PIBF1: variants seen among roughly 807,000 people sequenced by gnomAD.
PIBF1 encodes progesterone immunomodulatory binding factor 1.
A neutral mutation model predicts 112.5 loss-of-function variants in PIBF1; 90 were observed. The ratio of observed to expected loss-of-function variants is 0.80; its 90% CI spans 0.67 to 0.95. The LOEUF (loss-of-function observed/expected upper bound fraction) is 0.95, where lower values mean the gene tolerates loss of function less well. PIBF1 is among the 40% of genes least tolerant of loss of function. The pLI is 0.00. For synonymous variants in PIBF1, 301 were observed against 288.6 expected, an observed-to-expected ratio of 1.04 and a Z score of -0.44; for missense variants, 915 against 852.3, an observed-to-expected ratio of 1.07 and a Z score of -0.92.
intron 5 of PIBF1, among the ~76,000 whole-genome samples, chr13:72,804,918 A>G (rs1420273808): frequency 1.3e-5 from 2 of 152,212 alleles, no homozygotes; most frequent in Non-Finnish European, 1.5e-5. Context: ...ATACACTGCC[A>G]TAGTAAGTTT....
chr13:72,783,289 A>G, intron 1 of PIBF1, 134 bp from the exon 2 acceptor site: 2 of 502,078 alleles, frequency 4.0e-6, no homozygotes, highest in Non-Finnish European at 3.6e-6. Context: ...TAACTGCAAT[A>G]ATCTGTTCTA....
At position 72,832,131 on chromosome 13, in the gene PIBF1, C is replaced by T. The variant is rs572212005; in HGVS notation, c.1098-3112C>T. On this transcript the variant is annotated intron_variant, in intron 8 of 17. Coordinates refer to ENST00000326291, the MANE Select transcript of PIBF1 (RefSeq NM_006346.4). Reference sequence around the variant, plus strand: ...TTCCATTTGGTTGGTAAATATTCCTCCATCCCTTTATTTTGAGCCTATATG... The same window carrying T: ...TTCCATTTGGTTGGTAAATATTCCTTCATCCCTTTATTTTGAGCCTATATG... Among the ~76,000 whole-genome samples, 92 of 96,806 alleles carry T rather than the reference C, an allele frequency of 9.5e-4. 2 individuals carry two copies. Among genetic ancestry groups the T allele is most frequent in the Non-Finnish European group, 3.1e-4 (16 of 52,354 alleles). The allele number at this position is 96,806 out of a possible 152,430, so 63.5% of individuals were successfully genotyped here. A position where few individuals can be genotyped will look rare whatever the true frequency, so the allele number is the denominator to read the frequency against.
chr13:72,980,620 C>T (rs997826555), intron 16 of PIBF1, among the ~76,000 whole-genome samples: 1 of 151,796 alleles, frequency 6.6e-6, no homozygotes, highest in African/African-American at 2.4e-5. Context: ...CATGGCGAAA[C>T]CCCATCTCTA....
At chr13:73,005,684 G>A (rs953300454) in intron 17 of PIBF1, among the ~76,000 whole-genome samples, 6 of 152,004 alleles carry the variant, frequency 3.9e-5, no homozygotes, top group Non-Finnish European at 8.8e-5. Flanking sequence ...AAGTGACAAG[G>A]ATGCCACACT....
intron 14 of PIBF1, among the ~76,000 whole-genome samples, chr13:72,933,149 C>CCTTT (rs1290267152): frequency 6.6e-6 from 1 of 152,136 alleles, no homozygotes; most frequent in Non-Finnish European, 1.5e-5. Context: ...CCTCATGTTG[C>CCTTT]CTTTAATTTC....
At chr13:72,853,411 A>G (rs2038261569) in intron 9 of PIBF1, among the ~76,000 whole-genome samples, 1 of 152,142 alleles carries the variant, frequency 6.6e-6, no homozygotes, top group African/African-American at 2.4e-5. Flanking sequence ...TTAGCCACCA[A>G]AATTCTGCCA....
intron 11 of PIBF1, among the ~76,000 whole-genome samples, chr13:72,899,771 A>G (rs2040415498): frequency 6.6e-6 from 1 of 152,158 alleles, no homozygotes; most frequent in Non-Finnish European, 1.5e-5. Context: ...CAAACAAGAG[A>G]AAGAAATAAA....
At chr13:72,916,754 A>C (rs571126064) in intron 12 of PIBF1, among the ~76,000 whole-genome samples, 13 of 152,236 alleles carry the variant, frequency 8.5e-5, no homozygotes, top group South Asian at 4.1e-4. Context: ...ATTATTTGTT[A>C]TATTACATAG....
Position 72,829,501 on chromosome 13 carries a change from A to G in PIBF1, c.1097+1587A>G, listed in dbSNP as rs182989569. Among the ~76,000 whole-genome samples the G allele has an allele frequency of 3.2e-3, 481 of 152,282 alleles. 2 individuals are homozygous for G. The highest frequency in any genetic ancestry group is 6.5e-3 in the Admixed American group (99 of 15,294). On this transcript the variant is annotated intron_variant, in intron 8 of 17. Coordinates refer to ENST00000326291, the MANE Select transcript of PIBF1 (RefSeq NM_006346.4). The stretch of plus-strand genomic sequence containing the variant: ...CAGTTTCAGTTTTCTGCATATGGCT[A>G]CCTAGTTTTCCAAACAACATTTATT...
intron 10 of PIBF1, among the ~76,000 whole-genome samples, chr13:72,872,937 A>C (rs1424485462): frequency 1.3e-5 from 2 of 152,196 alleles, no homozygotes; most frequent in African/African-American, 4.8e-5. Context: ...ATTGCTGAGG[A>C]AAAACAAAAA....
intron 10 of PIBF1, among the ~76,000 whole-genome samples, chr13:72,872,761 C>T (rs1197799661): frequency 1.3e-5 from 2 of 152,038 alleles, no homozygotes; most frequent in African/African-American, 4.8e-5. Flanking sequence ...ATACAAGTTA[C>T]TATGAAAAAA....
intron 10 of PIBF1, among the ~76,000 whole-genome samples, chr13:72,859,430 G>A (rs1178463417): frequency 6.6e-6 from 1 of 152,058 alleles, no homozygotes; most frequent in African/African-American, 2.4e-5. Context: ...TGTTGTTAGA[G>A]AATTATTAAT....
At chr13:72,976,661 A>G (rs1373162556) in intron 16 of PIBF1, among the ~76,000 whole-genome samples, 2 of 152,192 alleles carry the variant, frequency 1.3e-5, no homozygotes. Context: ...ATTTACTACC[A>G]ACTTACATCA....
intron 8 of PIBF1, among the ~76,000 whole-genome samples, chr13:72,830,428 T>G (rs182314650): frequency 7.9e-5 from 12 of 152,318 alleles, no homozygotes; most frequent in Non-Finnish European, 2.9e-5. Context: ...TAACTAGCTC[T>G]TATTATTTTG....
At chr13:72,946,655 A>G (rs2042155511) in intron 14 of PIBF1, among the ~76,000 whole-genome samples, 1 of 152,220 alleles carries the variant, frequency 6.6e-6, no homozygotes, top group Non-Finnish European at 1.5e-5. Context: ...GCATTGGGTA[A>G]ATACACCCAT....
chr13:73,010,314 C>T (rs564629887), intron 17 of PIBF1, among the ~76,000 whole-genome samples: 4 of 139,732 alleles, frequency 2.9e-5, no homozygotes, highest in Admixed American at 8.0e-5. Flanking sequence ...ATTTAAAGAA[C>T]AATGGTGGCC....
chr13:72,955,549 A>G (rs772078787), intron 14 of PIBF1, among the ~76,000 whole-genome samples: 14 of 152,252 alleles, frequency 9.2e-5, no homozygotes, highest in South Asian at 2.1e-4. Context: ...ATGAGTGACT[A>G]TAATTTTTTT....
intron 13 of PIBF1, among the ~76,000 whole-genome samples, chr13:72,921,496 A>G (rs999204639): frequency 1.3e-5 from 2 of 152,190 alleles, no homozygotes; most frequent in Non-Finnish European, 2.9e-5. Context: ...ATATATATAT[A>G]TACTTTCTTA....
At chr13:72,851,927 C>T (rs1190547999) in intron 9 of PIBF1, among the ~76,000 whole-genome samples, 3 of 152,172 alleles carry the variant, frequency 2.0e-5, no homozygotes, top group African/African-American at 7.2e-5. Flanking sequence ...CTGTGGGTCT[C>T]CTCTCAGCCA....
Sources: gnomAD v4.1 joint callset for allele counts (sites outside exome capture counted in the v4.1 genomes callset) on GRCh38, gnomAD v4.1.1 for gene constraint, MANE v1.5 for transcripts, NCBI Gene and HGNC (gene_info 2026-07-23, HGNC 2026-07-21) for gene names.